CSMD3: variants seen among roughly 807,000 people sequenced by gnomAD.
CSMD3 encodes CUB and Sushi multiple domains 3.
A neutral mutation model predicts 435.2 loss-of-function variants in CSMD3; 177 were observed. The ratio of observed to expected loss-of-function variants is 0.41; its 90% CI spans 0.36 to 0.46. The LOEUF (loss-of-function observed/expected upper bound fraction) is 0.46, where lower values mean the gene tolerates loss of function less well. Ranked by LOEUF, CSMD3 falls within the 20% of genes least tolerant of loss-of-function variation. CSMD3 has a pLI of 0.34. For synonymous variants in CSMD3, 1,656 were observed against 1,520.5 expected, an observed-to-expected ratio of 1.09 and a Z score of -2.07; for missense variants, 4,265 against 4,504.6, an observed-to-expected ratio of 0.95 and a Z score of 1.52.
intron 1 of CSMD3, among the ~76,000 whole-genome samples, chr8:113,428,038 CAT>C (rs930086350): frequency 1.9e-4 from 29 of 151,646 alleles, no homozygotes; most frequent in African/African-American, 6.8e-4. Flanking sequence ...TCATATTTAA[CAT>C]ATGTATTACC....
rs1022766538 is a variant in CSMD3, at chr8:112,793,088, G to A, written c.1972+7074C>T. 8.0e-5 allele frequency among the ~76,000 whole-genome samples: 12 copies of A among 149,076 alleles called. No homozygotes were observed. The Admixed American group carries it at 8.1e-4, about 10-fold the overall frequency. ...AAACTGAATGGGAATACAACTTACT[G>A]TGTGTATATAAATATGTAAACATAT... On this transcript the variant is annotated intron_variant, in intron 13 of 70. Transcript: ENST00000297405.
At chr8:113,356,126 C>A (rs2094225516) in intron 1 of CSMD3, among the ~76,000 whole-genome samples, 1 of 151,934 alleles carries the variant, frequency 6.6e-6, no homozygotes, top group Admixed American at 6.6e-5. Flanking sequence ...TATTTCCATT[C>A]ATGCATATAC....
intron 10 of CSMD3, among the ~76,000 whole-genome samples, chr8:112,902,415 G>A (rs1199982610): frequency 2.0e-5 from 3 of 151,198 alleles, no homozygotes; most frequent in Non-Finnish European, 3.0e-5. Context: ...CCAGTCCCAA[G>A]GGCATCTCAG....
intron 18 of CSMD3, among the ~76,000 whole-genome samples, chr8:112,654,193 T>C (rs1423064037): frequency 1.3e-5 from 2 of 152,196 alleles, no homozygotes; most frequent in Non-Finnish European, 2.9e-5. Context: ...ATATTGTTAA[T>C]GTTCTCATTA....
At chr8:112,682,769 T>C (rs2075930067) in intron 15 of CSMD3, 133 bp from the exon 16 acceptor site, 1 of 712,502 alleles carries the variant, frequency 1.4e-6, no homozygotes. Context: ...CACAAGTTTT[T>C]ATTTATTTAC....
At position 112,740,495 on chromosome 8, in the gene CSMD3, T is replaced by C. The variant is rs375525728; in HGVS notation, c.1973-50445A>G. ...TGAGTAAAATATAATTTCCACGAGA[T>C]GTGTAGTGAGGATGATACACACCTA... is the stretch of plus-strand genomic sequence containing the variant. On this transcript the variant is annotated intron_variant, in intron 13 of 70. Transcript: ENST00000297405. Among the ~76,000 whole-genome samples the C allele has an allele frequency of 2.0e-5, 3 of 151,838 alleles. No individual in the cohort carries two copies. In the South Asian group the frequency reaches 6.2e-4, roughly 31 times the overall value.
At chr8:113,154,454 T>C (rs1351383692) in intron 4 of CSMD3, among the ~76,000 whole-genome samples, 1 of 151,990 alleles carries the variant, frequency 6.6e-6, no homozygotes, top group Non-Finnish European at 1.5e-5. Flanking sequence ...AATGTGTTTT[T>C]TTTAATCTCT....
At chr8:112,500,129 A>T (rs1486929334) in intron 30 of CSMD3, among the ~76,000 whole-genome samples, 1 of 152,152 alleles carries the variant, frequency 6.6e-6, no homozygotes, top group Non-Finnish European at 1.5e-5. Flanking sequence ...CAAAAGCAGT[A>T]TTTATCTCAA....
chr8:112,720,798 T>C (rs1445276261), intron 13 of CSMD3, among the ~76,000 whole-genome samples: 2 of 152,228 alleles, frequency 1.3e-5, no homozygotes, highest in Non-Finnish European at 1.5e-5. Context: ...GGAATACAGA[T>C]AATATTCTAA....
At chr8:113,226,778 T>C (rs918831820) in intron 3 of CSMD3, among the ~76,000 whole-genome samples, 2 of 151,620 alleles carry the variant, frequency 1.3e-5, no homozygotes, top group Non-Finnish European at 3.0e-5. Context: ...CTTGAAGCTG[T>C]TGCGGAAGTA....
intron 27 of CSMD3, among the ~76,000 whole-genome samples, chr8:112,525,699 C>A (rs571608863): frequency 6.9e-6 from 1 of 144,330 alleles, no homozygotes; most frequent in Non-Finnish European, 1.5e-5. Context: ...CCAGCCTGAG[C>A]GACAGAGCGA....
Position 113,215,719 on chromosome 8 carries a change from T to C in CSMD3, c.515-41803A>G, listed in dbSNP as rs949332425. ...AAAAACATATAGCCTTGATAAATCT[T>C]ATATGCACTTTTCTCTTCTGTATTA... On this transcript the variant is annotated intron_variant, in intron 3 of 70. Coordinates refer to ENST00000297405, the MANE Select transcript of CSMD3 (RefSeq NM_198123.2). Among the ~76,000 whole-genome samples, 4 of 151,918 alleles carry C rather than the reference T, an allele frequency of 2.6e-5. No individual in the cohort carries two copies. The East Asian group carries it at 7.7e-4, about 29-fold the overall frequency.
intron 30 of CSMD3, among the ~76,000 whole-genome samples, chr8:112,494,878 C>T (rs1381672779): frequency 6.6e-6 from 1 of 151,926 alleles, no homozygotes; most frequent in Non-Finnish European, 1.5e-5. Context: ...AATGTGATTC[C>T]TGGGTTTCAA....
intron 47 of CSMD3, among the ~76,000 whole-genome samples, chr8:112,315,904 T>C (rs1453291307): frequency 1.3e-5 from 2 of 151,750 alleles, no homozygotes; most frequent in African/African-American, 4.8e-5. Flanking sequence ...TTTGAATGAG[T>C]TGGGATTGAA....
intron 31 of CSMD3, among the ~76,000 whole-genome samples, chr8:112,479,625 G>A (rs1303010430): frequency 2.6e-5 from 4 of 152,158 alleles, no homozygotes; most frequent in Non-Finnish European, 5.9e-5. Flanking sequence ...TGGCTCAAAG[G>A]GGTCCAGGTA....
At chr8:112,839,974 A>T (rs1189657806) in intron 11 of CSMD3, among the ~76,000 whole-genome samples, 1 of 151,728 alleles carries the variant, frequency 6.6e-6, no homozygotes, top group Non-Finnish European at 1.5e-5. Context: ...CTTTGTTGTT[A>T]ACCTTATTTT....
At chr8:113,426,441 T>A (rs2094636024) in intron 1 of CSMD3, among the ~76,000 whole-genome samples, 1 of 151,180 alleles carries the variant, frequency 6.6e-6, no homozygotes, top group South Asian at 2.1e-4. Flanking sequence ...AGAATATATT[T>A]TCCTCAAATA....
At chr8:113,361,308 G>T in intron 1 of CSMD3, among the ~76,000 whole-genome samples, 1 of 152,126 alleles carries the variant, frequency 6.6e-6, no homozygotes, top group Admixed American at 6.5e-5. Flanking sequence ...AAAAAGGCTT[G>T]TACCATGAAA....
intron 4 of CSMD3, among the ~76,000 whole-genome samples, chr8:113,158,432 T>C (rs1373201971): frequency 1.3e-5 from 2 of 152,076 alleles, no homozygotes; most frequent in African/African-American, 2.4e-5. Flanking sequence ...TTTTACTTTT[T>C]TCAAGTGATA....
Sources: gnomAD v4.1 joint callset for allele counts (sites outside exome capture counted in the v4.1 genomes callset) on GRCh38, gnomAD v4.1.1 for gene constraint, MANE v1.5 for transcripts, NCBI Gene and HGNC (gene_info 2026-07-23, HGNC 2026-07-21) for gene names.